Variants in PAK4 observed in about 807,000 individuals in gnomAD.
The protein encoded by PAK4 is p21 (RAC1) activated kinase 4.
PAK4 carries 49 observed loss-of-function variants against 53.5 expected under a neutral mutation model. The ratio of observed to expected loss-of-function variants is 0.92; its 90% CI spans 0.73 to 1.16. The LOEUF is 1.16. PAK4 is among the 50% of genes most tolerant of loss of function. The probability of loss-of-function intolerance (pLI) is 0.00; values close to 1 mark genes in which losing one functional copy is unlikely to be tolerated. For missense variants in PAK4, 824 were observed against 850.7 expected, an observed-to-expected ratio of 0.97 and a Z score of 0.39; for synonymous variants, 376 against 375.6, an observed-to-expected ratio of 1.00 and a Z score of -0.01.
Position 39,175,302 on chromosome 19 carries a change from C to G in PAK4, c.1233-10C>G. The G allele has an allele frequency of 6.4e-7, 1 of 1,567,392 alleles. No homozygotes were observed. The highest frequency in any genetic ancestry group is 8.7e-7 in the Non-Finnish European group (1 of 1,155,006). ...CCAGCTGGCTGCTCACCCCCCACCC[C>G]ACCCCGCAGGATGAACGAGGAGCAG... On this transcript the variant is annotated splice_polypyrimidine_tract_variant and intron_variant, in intron 5 of 8. Transcript: ENST00000358301. This position sits in a 1 kb window ranked among gnomAD's most constrained non-coding sequence, Gnocchi z 4.7.
intron 1 of PAK4, among the ~76,000 whole-genome samples, chr19:39,149,062 G>A (rs1034659090): frequency 2.0e-5 from 3 of 152,162 alleles, no homozygotes; most frequent in African/African-American, 4.8e-5. Flanking sequence ...TTGGAGCCCC[G>A]TGCATTGCTT....
chr19:39,154,500 G>C (rs968768944), intron 1 of PAK4, among the ~76,000 whole-genome samples: 2 of 152,198 alleles, frequency 1.3e-5, no homozygotes, highest in Non-Finnish European at 2.9e-5. Context: ...GGTGGAAGGA[G>C]GACATCCTGT....
intron 1 of PAK4, among the ~76,000 whole-genome samples, chr19:39,169,304 G>T (rs1336386907): frequency 6.6e-6 from 1 of 152,098 alleles, no homozygotes; most frequent in African/African-American, 2.4e-5. Flanking sequence ...GAGACAGAGC[G>T]GCAGGAAAGT....
chr19:39,160,687 G>A (rs192554843), intron 1 of PAK4, among the ~76,000 whole-genome samples: 4 of 152,354 alleles, frequency 2.6e-5, no homozygotes, highest in Admixed American at 2.6e-4. Flanking sequence ...TGAGGTTTGC[G>A]AGGTTGGCAG....
chr19:39,165,453 T>C (rs2074357408), intron 1 of PAK4, among the ~76,000 whole-genome samples: 1 of 149,922 alleles, frequency 6.7e-6, no homozygotes, highest in Non-Finnish European at 1.5e-5. Flanking sequence ...AGGCGGAGGT[T>C]GCAGTGAGCT....
At chr19:39,156,455 G>T (rs1307279685) in intron 1 of PAK4, among the ~76,000 whole-genome samples, 1 of 152,198 alleles carries the variant, frequency 6.6e-6, no homozygotes, top group Non-Finnish European at 1.5e-5. Flanking sequence ...CTGGCACCTA[G>T]CCTGGCATAG....
intron 1 of PAK4, chr19:39,152,528 G>T (rs1600350231): frequency 6.6e-6 from 1 of 151,902 alleles, no homozygotes; most frequent in Non-Finnish European, 1.5e-5. Context: ...ATAAGGAAAA[G>T]AAAAAAAATT....
chr19:39,134,081 C>A (rs933431159), intron 1 of PAK4, among the ~76,000 whole-genome samples: 3 of 152,244 alleles, frequency 2.0e-5, no homozygotes, highest in Admixed American at 1.3e-4. Flanking sequence ...CCCACAGGGG[C>A]CTCCATAGTT....
At chr19:39,174,884 T>C in intron 4 of PAK4, 47 bp from the exon 6 acceptor site, 2 of 1,610,702 alleles carry the variant, frequency 1.2e-6, no homozygotes, top group South Asian at 2.2e-5. Context: ...GGTCTGGCAC[T>C]GGCAGCCCTC....
chr19:39,137,345 C>T (rs778076141), intron 1 of PAK4, among the ~76,000 whole-genome samples: 4 of 151,968 alleles, frequency 2.6e-5, no homozygotes, highest in Admixed American at 6.6e-5. Context: ...ATTCTAGATC[C>T]GGGAAGCTCT....
At chr19:39,138,117 T>C (rs2073850696) in intron 1 of PAK4, among the ~76,000 whole-genome samples, 1 of 152,134 alleles carries the variant, frequency 6.6e-6, no homozygotes, top group African/African-American at 2.4e-5. Context: ...TAGCTGGGAC[T>C]GCAGGTACAC....
intron 1 of PAK4, among the ~76,000 whole-genome samples, chr19:39,131,842 ACAAAGAAC>A (rs1189429776): frequency 1.3e-5 from 2 of 152,172 alleles, no homozygotes; most frequent in African/African-American, 4.8e-5. Flanking sequence ...TGGGGAAGAG[ACAAAGAAC>A]TTCCCTGGGC....
At chr19:39,127,850 G>C (rs1469695172) in intron 1 of PAK4, among the ~76,000 whole-genome samples, 1 of 152,228 alleles carries the variant, frequency 6.6e-6, no homozygotes, top group African/African-American at 2.4e-5. Context: ...GGAGGGCTGG[G>C]AATGGGCTTA....
At chr19:39,150,830 G>A (rs187666481) in intron 1 of PAK4, among the ~76,000 whole-genome samples, 30 of 152,336 alleles carry the variant, frequency 2.0e-4, no homozygotes, top group African/African-American at 5.8e-4. Context: ...CCACCACACC[G>A]TCCCCGTTCA....
At chr19:39,132,432 A>G (rs971563706) in intron 1 of PAK4, among the ~76,000 whole-genome samples, 8 of 151,912 alleles carry the variant, frequency 5.3e-5, no homozygotes, top group African/African-American at 1.9e-4. Flanking sequence ...TTTTGTTTTT[A>G]CTCAAATGGA....
At chr19:39,181,885 A>G (rs1018763650), downstream of PAK4, 1 of 151,640 alleles carries the variant, frequency 6.6e-6, no homozygotes, top group Non-Finnish European at 1.5e-5. Flanking sequence ...CCCAAAATAA[A>G]CAATGCAACC....
In PAK4 at chr19:39,177,919, G is replaced by A. The variant is rs577627013; in HGVS notation, c.1620+110G>A. 9.2e-5 allele frequency: 118 copies of A among 1,281,824 alleles called. 1 individual carries two copies. The South Asian group carries it at 1.7e-3, about 18-fold the overall frequency. The allele number at this position is 1,281,824 out of a possible 1,614,324, so 79.4% of individuals were successfully genotyped here. A position where few individuals can be genotyped will look rare whatever the true frequency, so the allele number is the denominator to read the frequency against. Reference sequence around the variant, plus strand: ...GGACAATGATGGCGCCTGGGATGGCGCTTACTGTGTGCTGGGCCCCCCACC... The same window carrying A: ...GGACAATGATGGCGCCTGGGATGGCACTTACTGTGTGCTGGGCCCCCCACC... On this transcript the variant is annotated intron_variant, in intron 8 of 8. Coordinates refer to ENST00000358301, the Ensembl canonical transcript of PAK4.
Position 39,169,775 on chromosome 19 carries a change from C to G in PAK4, c.204+18C>G, listed in dbSNP as rs371088292. On this transcript the variant is annotated intron_variant, in intron 2 of 8. Transcript: ENST00000358301. The stretch of plus-strand genomic sequence containing the variant: ...CCCCCAAGGTATGTGGCACCCACCA[C>G]CACCTCCCCCAGCCCACCCCAACCC... 1,605 of 1,561,784 alleles carry G rather than the reference C, an allele frequency of 1.0e-3. 34 individuals are homozygous for G. In the South Asian group the frequency reaches 0.017, roughly 16 times the overall value.
chr19:39,136,562 C>T (rs2073819006), intron 1 of PAK4: 1 of 152,278 alleles, frequency 6.6e-6, no homozygotes, highest in Admixed American at 6.5e-5. Context: ...CTGTCACCCT[C>T]CCTCTAGCAC....
Sources: allele counts gnomAD v4.1 joint callset (sites outside exome capture counted in the v4.1 genomes callset), GRCh38; gene constraint gnomAD v4.1.1; non-coding constraint Gnocchi (gnomAD v3.1); transcripts MANE v1.5; gene names NCBI Gene and HGNC (gene_info 2026-07-23, HGNC 2026-07-21).